DPH6: variants seen among roughly 807,000 people sequenced by gnomAD.
DPH6 encodes diphthine--ammonia ligase.
Under a neutral mutation model 38.2 loss-of-function variants are expected in DPH6, and 33 were observed. That is an observed-to-expected ratio of 0.86 (90% confidence interval 0.65 to 1.15). The LOEUF is 1.15. DPH6 is among the 50% of genes most tolerant of loss of function. DPH6 has a pLI of 0.00. For missense variants in DPH6, 325 were observed against 320.0 expected (o/e 1.02, Z -0.12); for synonymous variants, 108 against 103.0 (o/e 1.05, Z -0.30).
the DPH6 span, among the ~76,000 whole-genome samples, chr15:35,165,379 C>G: frequency 6.6e-6 from 1 of 151,748 alleles, no homozygotes; most frequent in African/African-American, 2.4e-5. Flanking sequence ...AACTAAAATT[C>G]ATTTTAAAGA....
At chr15:35,521,407 C>T (rs2054921666) in intron 3 of DPH6, 3 of 1,099,936 alleles carry the variant, frequency 2.7e-6, no homozygotes, top group African/African-American at 3.2e-5. Context: ...CTGTAAGATC[C>T]TCTAGGAAGT....
rs147094446 is a variant in DPH6, at chr15:35,362,909, G to C, written n.207+10612C>G. ...TACTGTTGTCCCCATGGGGAAATAG[G>C]GTTGGTCACTTCCCACTCTGCGATC... On this transcript the variant is annotated intron_variant and non_coding_transcript_variant, in intron 3 of 3. Transcript: ENST00000558973. 1.1e-4 allele frequency among the ~76,000 whole-genome samples: 16 copies of C among 152,086 alleles called. No homozygotes were observed. In the East Asian group the frequency reaches 3.1e-3, roughly 29 times the overall value.
chr15:35,323,892 T>C (rs370467270), intron 3 of DPH6, among the ~76,000 whole-genome samples: 2 of 152,212 alleles, frequency 1.3e-5, no homozygotes, highest in African/African-American at 4.8e-5. Context: ...TAAAATTTCA[T>C]AGCTAAATAG....
At position 35,314,423 on chromosome 15, in the gene DPH6, G is replaced by A. The variant is rs111938146; in HGVS notation, n.200+59098C>T. On this transcript the variant is annotated intron_variant and non_coding_transcript_variant, in intron 3 of 3. Transcript: ENST00000560386. ...ATGATGTTAAACAAAAAGCAAATTC[G>A]AGTGATTTTCTTATTTGACTTCAAA... is the stretch of plus-strand genomic sequence containing the variant. 9.2e-5 allele frequency among the ~76,000 whole-genome samples: 14 copies of A among 152,128 alleles called. No homozygotes were observed. In the South Asian group the frequency reaches 2.9e-3, roughly 32 times the overall value.
At chr15:35,259,490 A>T (rs11638985) in intron 3 of DPH6, among the ~76,000 whole-genome samples, 27,293 of 152,226 alleles carry the variant, frequency 0.18, 2,926 homozygotes, top group East Asian at 0.33. Flanking sequence ...AGATAATAAG[A>T]TTTCAATTAT....
chr15:35,428,761 T>C (rs2053599152), intron 5 of DPH6, among the ~76,000 whole-genome samples: 1 of 152,082 alleles, frequency 6.6e-6, no homozygotes, highest in South Asian at 2.1e-4. Context: ...CTGCTGCCTT[T>C]ACTTCAGGCT....
At chr15:35,155,166 C>T in the DPH6 span, among the ~76,000 whole-genome samples, 1 of 152,152 alleles carries the variant, frequency 6.6e-6, no homozygotes, top group Non-Finnish European at 1.5e-5. Context: ...CTACAGTGCA[C>T]ATTGCCCGAT....
At chr15:35,369,088 A>G (rs1191584749), downstream of DPH6, among the ~76,000 whole-genome samples, 1 of 151,906 alleles carries the variant, frequency 6.6e-6, no homozygotes, top group Non-Finnish European at 1.5e-5. Flanking sequence ...GAAAGGCAGA[A>G]AAGTCAGACT....
chr15:35,453,370 T>C (rs998348447), intron 4 of DPH6, among the ~76,000 whole-genome samples: 2 of 152,182 alleles, frequency 1.3e-5, no homozygotes, highest in African/African-American at 4.8e-5. Context: ...TAAATAGATG[T>C]CATCCCTATC....
At position 35,398,618 on chromosome 15, in the gene DPH6, T is replaced by C. The variant is rs556403118; in HGVS notation, c.567+12217A>G. On this transcript the variant is annotated intron_variant, in intron 6 of 8. Coordinates refer to ENST00000256538, the MANE Select transcript of DPH6 (RefSeq NM_080650.4). Reference sequence around the variant, plus strand: ...GGCTGTTCATCTGTATCCTAAACTATATCCTTTATGAATAAACCAGTAAAT... The same window carrying C: ...GGCTGTTCATCTGTATCCTAAACTACATCCTTTATGAATAAACCAGTAAAT... 2.6e-5 allele frequency among the ~76,000 whole-genome samples: 4 copies of C among 152,334 alleles called. No homozygotes were observed. In the South Asian group the frequency reaches 8.3e-4, roughly 32 times the overall value.
intron 6 of DPH6, among the ~76,000 whole-genome samples, chr15:35,388,336 T>C (rs2053001929): frequency 3.3e-5 from 5 of 152,202 alleles, no homozygotes; most frequent in Admixed American, 3.3e-4. Flanking sequence ...GGCTTTGGTA[T>C]CAGGATGATG....
At chr15:35,393,052 A>C (rs2053080977) in intron 6 of DPH6, among the ~76,000 whole-genome samples, 1 of 152,218 alleles carries the variant, frequency 6.6e-6, no homozygotes, top group African/African-American at 2.4e-5. Context: ...CTAAGGTCAG[A>C]GAGAACCCAC....
At chr15:35,436,904 A>G (rs1490261489) in intron 5 of DPH6, among the ~76,000 whole-genome samples, 1 of 151,158 alleles carries the variant, frequency 6.6e-6, no homozygotes, top group Non-Finnish European at 1.5e-5. Flanking sequence ...TCTCCTTAGC[A>G]TTTGGCTTAT....
chr15:35,244,263 C>G (rs1317233451), intron 3 of DPH6, among the ~76,000 whole-genome samples: 1 of 152,188 alleles, frequency 6.6e-6, no homozygotes, highest in Non-Finnish European at 1.5e-5. Flanking sequence ...ATTTTGCCCC[C>G]TTTCCACTTT....
Position 35,285,008 on chromosome 15 carries a change from C to T in DPH6, n.201-64426G>A, listed in dbSNP as rs1334401732. The stretch of plus-strand genomic sequence containing the variant: ...CATTTTTTGTAGAGATGAGGTCTTG[C>T]TATGTTACGCAGGGTGGTCTCCAAC... On this transcript the variant is annotated intron_variant and non_coding_transcript_variant, in intron 3 of 3. Coordinates refer to the DPH6 transcript ENST00000560386. Among the ~76,000 whole-genome samples the T allele has an allele frequency of 3.3e-5, 5 of 151,602 alleles. No individual in the cohort carries two copies. The East Asian group carries it at 9.8e-4, about 30-fold the overall frequency.
At chr15:35,424,316 C>T (rs1595551430) in intron 5 of DPH6, among the ~76,000 whole-genome samples, 4 of 151,426 alleles carry the variant, frequency 2.6e-5, no homozygotes, top group East Asian at 3.9e-4. Context: ...TTCTTCTTGT[C>T]GCTATTGTGA....
downstream of DPH6, among the ~76,000 whole-genome samples, chr15:35,212,366 G>A (rs117032243): frequency 8.8e-3 from 1,342 of 152,282 alleles, 12 homozygotes; most frequent in Non-Finnish European, 0.014. Context: ...AGATGGAAGA[G>A]TGAGACTTCA....
chr15:35,374,756 A>G (rs1224527522), intron 7 of DPH6, among the ~76,000 whole-genome samples: 1 of 152,110 alleles, frequency 6.6e-6, no homozygotes, highest in African/African-American at 2.4e-5. Flanking sequence ...ATGGAAACAT[A>G]TAATTTGCCT....
chr15:35,459,636 A>C (rs1225979341), intron 3 of DPH6, among the ~76,000 whole-genome samples: 1 of 152,178 alleles, frequency 6.6e-6, no homozygotes, highest in African/African-American at 2.4e-5. Context: ...AAGAACCTCA[A>C]GAAATAGGAT....
Sources: gnomAD v4.1 joint callset for allele counts (sites outside exome capture counted in the v4.1 genomes callset) on GRCh38, gnomAD v4.1.1 for gene constraint, MANE v1.5 for transcripts, NCBI Gene and HGNC (gene_info 2026-07-23, HGNC 2026-07-21) for gene names.